The following ASTN2 variants were observed in gnomAD, a reference collection of about 807,000 sequenced individuals.
The protein encoded by ASTN2 is astrotactin-2.
Under a neutral mutation model 139.8 loss-of-function variants are expected in ASTN2, and 54 were observed. The ratio of observed to expected loss-of-function variants is 0.39; its 90% CI spans 0.31 to 0.48. ASTN2 has a LOEUF of 0.48. ASTN2 is among the 20% of genes least tolerant of loss of function. The probability of loss-of-function intolerance (pLI) is 0.95; values close to 1 mark genes in which losing one functional copy is unlikely to be tolerated. For missense variants in ASTN2, 1,565 were observed against 1,725.1 expected (o/e 0.91, Z 1.64); for synonymous variants, 756 against 719.5 (o/e 1.05, Z -0.81).
chr9:116,565,551 C>T (rs1853189887), intron 19 of ASTN2, among the ~76,000 whole-genome samples: 1 of 149,536 alleles, frequency 6.7e-6, no homozygotes, highest in Non-Finnish European at 1.5e-5. Context: ...CCCATTCCCA[C>T]CCCGGACCCC....
At chr9:116,908,909 G>C (rs1028151128) in intron 10 of ASTN2, among the ~76,000 whole-genome samples, 1 of 152,186 alleles carries the variant, frequency 6.6e-6, no homozygotes, top group East Asian at 1.9e-4. Context: ...TGCATTTCCT[G>C]ATGAGGAAAT....
intron 22 of ASTN2, among the ~76,000 whole-genome samples, chr9:116,440,070 C>T (rs1333804315): frequency 1.3e-5 from 2 of 152,148 alleles, no homozygotes; most frequent in Non-Finnish European, 2.9e-5. Context: ...TGCCTTAGTT[C>T]TGTTTGAATC....
At chr9:116,757,074 C>T (rs1337174515) in intron 13 of ASTN2, among the ~76,000 whole-genome samples, 1 of 152,202 alleles carries the variant, frequency 6.6e-6, no homozygotes. Context: ...GTCCCCTCTC[C>T]TTCCCTTTTT....
intron 22 of ASTN2, among the ~76,000 whole-genome samples, chr9:116,439,232 G>T (rs1408847506): frequency 1.4e-5 from 1 of 70,456 alleles, no homozygotes; most frequent in African/African-American, 6.3e-5. Context: ...ACGGAGTCTC[G>T]CTCTGTCGCC....
rs1434735852 is a variant in ASTN2, at chr9:117,380,583, A to G, written c.442+33914T>C. Among the ~76,000 whole-genome samples, 4 of 150,744 alleles carry G rather than the reference A, an allele frequency of 2.7e-5. No individual in the cohort carries two copies. The East Asian group carries it at 7.8e-4, about 29-fold the overall frequency. ...TCACACCACTGCACTCCAGCCTGGCAACAGAGCAAGACTCAAAAAAAAAAA... is the reference window on the plus strand; with the variant it reads ...TCACACCACTGCACTCCAGCCTGGCGACAGAGCAAGACTCAAAAAAAAAAA... On this transcript the variant is annotated intron_variant, in intron 1 of 22. Transcript: ENST00000313400.
At chr9:117,287,434 G>C (rs543653144) in intron 2 of ASTN2, among the ~76,000 whole-genome samples, 67 of 152,258 alleles carry the variant, frequency 4.4e-4, no homozygotes, top group African/African-American at 1.6e-3. Context: ...GAAGGAAAAT[G>C]GTGGCCTGTT....
At chr9:116,753,941 C>CGGCGACCA (rs1829468512) in intron 13 of ASTN2, among the ~76,000 whole-genome samples, 1 of 151,668 alleles carries the variant, frequency 6.6e-6, no homozygotes, top group African/African-American at 2.4e-5. Flanking sequence ...TCTAACCCTC[C>CGGCGACCA]CCGAGCCCCA....
intron 1 of ASTN2, among the ~76,000 whole-genome samples, chr9:117,405,238 T>C (rs1408325177): frequency 6.6e-6 from 1 of 152,232 alleles, no homozygotes; most frequent in Non-Finnish European, 1.5e-5. Flanking sequence ...CATCTCTTGT[T>C]CTATGCAGCA....
At chr9:116,700,395 G>T in intron 16 of ASTN2, 2 of 167,314 alleles carry the variant, frequency 1.2e-5, no homozygotes. Flanking sequence ...GATGACTTCA[G>T]CCTGGAAATT....
intron 11 of ASTN2, among the ~76,000 whole-genome samples, chr9:116,856,350 C>T (rs527980233): frequency 2.6e-5 from 4 of 152,354 alleles, no homozygotes; most frequent in Admixed American, 1.3e-4. Context: ...AGCCCAGCTG[C>T]ACCGTGTAGG....
intron 13 of ASTN2, among the ~76,000 whole-genome samples, chr9:116,754,363 C>T (rs1016979214): frequency 6.6e-6 from 1 of 152,088 alleles, no homozygotes; most frequent in Non-Finnish European, 1.5e-5. Flanking sequence ...ATTTCTAGTT[C>T]TAGATTGTTG....
At chr9:117,373,087 T>C (rs1830029650) in intron 1 of ASTN2, among the ~76,000 whole-genome samples, 1 of 152,156 alleles carries the variant, frequency 6.6e-6, no homozygotes, top group South Asian at 2.1e-4. Flanking sequence ...TTCGCATCAT[T>C]GTTATTAGAG....
At chr9:116,839,270 C>T (rs1316389340) in intron 11 of ASTN2, among the ~76,000 whole-genome samples, 1 of 152,060 alleles carries the variant, frequency 6.6e-6, no homozygotes, top group African/African-American at 2.4e-5. Context: ...GCCTCAGCCT[C>T]TCGAATAGCT....
chr9:116,874,243 C>T lies in ASTN2; in HGVS notation c.1890-10510G>A, dbSNP rs148654701. ...GTTTTAGCTGACACTTAACATTCTC[C>T]TTCCTCTAGCAATTATGGTTTGCAC... On this transcript the variant is annotated intron_variant, in intron 10 of 22. Coordinates refer to ENST00000313400, the MANE Select transcript of ASTN2 (RefSeq NM_001365068.1). 1.6e-4 allele frequency among the ~76,000 whole-genome samples: 25 copies of T among 152,132 alleles called. No homozygotes were observed. The East Asian group carries it at 2.7e-3, about 17-fold the overall frequency.
At chr9:117,334,922 G>A (rs1205388005) in intron 1 of ASTN2, among the ~76,000 whole-genome samples, 1 of 152,130 alleles carries the variant, frequency 6.6e-6, no homozygotes, top group Non-Finnish European at 1.5e-5. Flanking sequence ...AGGCGTGGTG[G>A]CCTGTGCCTG....
intron 19 of ASTN2, among the ~76,000 whole-genome samples, chr9:116,602,092 C>T (rs960999247): frequency 3.3e-5 from 5 of 152,104 alleles, no homozygotes; most frequent in Non-Finnish European, 5.9e-5. Context: ...CTGTAGAATG[C>T]ATAGAGATAT....
At chr9:117,026,171 G>A (rs1838073951) in intron 6 of ASTN2, among the ~76,000 whole-genome samples, 1 of 151,754 alleles carries the variant, frequency 6.6e-6, no homozygotes, top group African/African-American at 2.4e-5. Flanking sequence ...GTCTCACATC[G>A]GGATGCTGGT....
intron 3 of ASTN2, among the ~76,000 whole-genome samples, chr9:117,175,921 T>C (rs1564462144): frequency 6.6e-6 from 1 of 151,980 alleles, no homozygotes. Flanking sequence ...TTAACAAAAC[T>C]AAAACATAAG....
intron 10 of ASTN2, among the ~76,000 whole-genome samples, chr9:116,945,344 T>G (rs1225408039): frequency 6.6e-6 from 1 of 152,108 alleles, no homozygotes; most frequent in Non-Finnish European, 1.5e-5. Context: ...TGGTAAACAT[T>G]TGCACCAAAT....
Sources: gnomAD v4.1 joint callset for allele counts (sites outside exome capture counted in the v4.1 genomes callset) on GRCh38, gnomAD v4.1.1 for gene constraint, MANE v1.5 for transcripts, NCBI Gene and HGNC (gene_info 2026-07-23, HGNC 2026-07-21) for gene names.